ATP12A: variants seen among roughly 807,000 people sequenced by gnomAD.
ATP12A encodes ATPase H+/K+ transporting non-gastric alpha2 subunit, also known as potassium-transporting ATPase alpha chain 2.
Under a neutral mutation model 111.2 loss-of-function variants are expected in ATP12A, and 81 were observed. That is an observed-to-expected ratio of 0.73 (90% CI 0.61 to 0.88). The LOEUF (loss-of-function observed/expected upper bound fraction) is 0.88, where lower values mean the gene tolerates loss of function less well. Among genes scored for constraint, ATP12A ranks in the 40% least tolerant of loss-of-function variants. ATP12A has a pLI of 0.00. For missense variants in ATP12A, 1,196 were observed against 1,313.1 expected, an observed-to-expected ratio of 0.91 and a Z score of 1.38; for synonymous variants, 498 against 499.8, an observed-to-expected ratio of 1.00 and a Z score of 0.05.
At chr13:24,689,428 C>T (rs1874788555) in intron 5 of ATP12A, 53 bp downstream of exon 5, 1 of 1,517,046 alleles carries the variant, frequency 6.6e-7, no homozygotes, top group Non-Finnish European at 9.1e-7. Context: ...GGTGAGGAAG[C>T]CTCAGCTGGG....
intron 14 of ATP12A, among the ~76,000 whole-genome samples, chr13:24,702,858 A>T (rs1020885587): frequency 6.6e-6 from 1 of 152,178 alleles, no homozygotes; most frequent in African/African-American, 2.4e-5. Context: ...CATGCAGGAG[A>T]GTGGCCTGGA....
At chr13:24,709,956 C>G in intron 19 of ATP12A, 128 bp downstream of exon 19, 1 of 1,374,444 alleles carries the variant, frequency 7.3e-7, no homozygotes. Context: ...GGGCTCAGGG[C>G]CCCCTTGCTG....
At chr13:24,696,310 C>A (rs1775755520) in intron 11 of ATP12A, among the ~76,000 whole-genome samples, 1 of 152,012 alleles carries the variant, frequency 6.6e-6, no homozygotes, top group Non-Finnish European at 1.5e-5. Flanking sequence ...CTCCATCTCC[C>A]AAGGTAAAGG....
intron 13 of ATP12A, among the ~76,000 whole-genome samples, chr13:24,701,669 C>A (rs12583810): frequency 2.0e-4 from 30 of 152,156 alleles, no homozygotes; most frequent in Non-Finnish European, 4.3e-4. Context: ...AGACACTCAC[C>A]AGCCCTTTCA....
Position 24,711,621 on chromosome 13 carries a change from C to T in ATP12A, c.*99C>T, listed in dbSNP as rs1367492909. 1.3e-6 allele frequency: 2 copies of T among 1,528,344 alleles called. No individual in the cohort carries two copies. The highest frequency in any genetic ancestry group is 1.8e-6 in the Non-Finnish European group (2 of 1,112,120). The allele number at this position is 1,528,344 out of a possible 1,614,324, so 94.7% of individuals were successfully genotyped here. A position where few individuals can be genotyped will look rare whatever the true frequency, so the allele number is the denominator to read the frequency against. On this transcript the variant is annotated 3_prime_UTR_variant, in exon 23 of 23. Transcript: ENST00000381946. The stretch of plus-strand genomic sequence containing the variant: ...TATTCCCCTGCAGTGCAGACATCGT[C>T]AAAATTCAGACAAGAGGAAATTTTC...
chr13:24,680,472 T>G lies in ATP12A; in HGVS notation c.-272T>G. 2 of 431,872 alleles carry G rather than the reference T, an allele frequency of 4.6e-6. No individual in the cohort carries two copies. Among genetic ancestry groups the G allele is most frequent in the East Asian group, 4.0e-5 (1 of 24,928 alleles). The allele number at this position is 431,872 out of a possible 1,614,324, so 26.8% of individuals were successfully genotyped here. On this transcript the variant is annotated 5_prime_UTR_variant, in exon 1 of 23. Transcript: ENST00000381946. ...CCTCCCTGCGCGCGCGCCGGCGGGTTTCCTACCCTCCGAGGCGTCCGCTGG... is the reference window on the plus strand; with the variant it reads ...CCTCCCTGCGCGCGCGCCGGCGGGTGTCCTACCCTCCGAGGCGTCCGCTGG...
chr13:24,702,748 A>G (rs193127635), intron 14 of ATP12A, among the ~76,000 whole-genome samples: 2 of 152,292 alleles, frequency 1.3e-5, no homozygotes, highest in Admixed American at 1.3e-4. Context: ...TACTATCCAC[A>G]CCGTTGGGGA....
At chr13:24,695,526 A>T (rs978537687) in intron 11 of ATP12A, among the ~76,000 whole-genome samples, 1 of 151,504 alleles carries the variant, frequency 6.6e-6, no homozygotes, top group African/African-American at 2.4e-5. Flanking sequence ...AATAACCACA[A>T]CTGTACGTGT....
intron 17 of ATP12A, among the ~76,000 whole-genome samples, chr13:24,708,964 G>A (rs9507398): frequency 0.34 from 38,823 of 113,654 alleles, 6,983 homozygotes; most frequent in African/African-American, 0.39. Flanking sequence ...AAAGAAAGAA[G>A]GAAAGAGAAA....
chr13:24,695,275 TG>T (rs1478680090), intron 11 of ATP12A, among the ~76,000 whole-genome samples: 17 of 152,214 alleles, frequency 1.1e-4, no homozygotes, highest in African/African-American at 4.1e-4. Context: ...CGTCGTTTTC[TG>T]GGGCCAGCCC....
intron 15 of ATP12A, 133 bp downstream of exon 15, chr13:24,706,596 C>A: frequency 7.6e-7 from 1 of 1,313,352 alleles, no homozygotes. Context: ...ATCCCCATCA[C>A]CTGACCTCTC....
Position 24,710,651 on chromosome 13 carries a change from A to T in ATP12A, c.2897+58A>T, listed in dbSNP as rs1875926593. On this transcript the variant is annotated intron_variant, in intron 20 of 22. Transcript: ENST00000381946. ...CTGGGCCTGCCGTGCAAGGATGATGATGATTTGTTTTTCACAAGACAGAGT... is the reference window on the plus strand; with the variant it reads ...CTGGGCCTGCCGTGCAAGGATGATGTTGATTTGTTTTTCACAAGACAGAGT... 41 of 1,611,288 alleles carry T rather than the reference A, an allele frequency of 2.5e-5. No individual in the cohort carries two copies. In the South Asian group the frequency reaches 4.4e-4, roughly 17 times the overall value.
Position 24,681,693 on chromosome 13 carries a change from A to G in ATP12A, c.141A>G (p.Lys47=), listed in dbSNP as rs1353829117. The change falls in exon 2 of 23, where the codon AAA becomes AAG. Residue 47 remains lysine, a synonymous_variant. Coordinates refer to ENST00000381946, the MANE Select transcript of ATP12A (RefSeq NM_001676.7). The part of the protein sequence containing the change: ...NCLELKKKNH[K]EEFQKELHLD... ...TGGAACTCAAAAAGAAAAATCACAA[A>G]GAGGAGTTTCAGAAAGAACTCCATC... 5.0e-6 allele frequency: 8 copies of G among 1,614,212 alleles called. No homozygotes were observed. Among genetic ancestry groups the G allele is most frequent in the Non-Finnish European group, 5.9e-6 (7 of 1,180,044 alleles).
Position 24,680,614 on chromosome 13 carries a change from G to T in ATP12A, c.-130G>T. 2 of 1,131,220 alleles carry T rather than the reference G, an allele frequency of 1.8e-6. No homozygotes were observed. Among genetic ancestry groups the T allele is most frequent in the South Asian group, 1.5e-5 (1 of 66,124 alleles). 70.1% of individuals were successfully genotyped at this position (1,131,220 alleles called of 1,614,324 possible). A position where few individuals can be genotyped will look rare whatever the true frequency, so the allele number is the denominator to read the frequency against. ...TGCGTGCAGGGCCCGCGCCGCCGCCGGTATCTCCACCGCCAACACCTCAGC... is the reference window on the plus strand; with the variant it reads ...TGCGTGCAGGGCCCGCGCCGCCGCCTGTATCTCCACCGCCAACACCTCAGC... On this transcript the variant is annotated 5_prime_UTR_variant, in exon 1 of 23. Transcript: ENST00000381946.
At position 24,709,724 on chromosome 13, in the gene ATP12A, G is replaced by C. The variant is rs368160174; in HGVS notation, c.2659G>C (p.Val887Leu). 9 of 1,614,104 alleles carry C rather than the reference G, an allele frequency of 5.6e-6. No individual in the cohort carries two copies. The East Asian group carries it at 1.3e-4, about 24-fold the overall frequency. ...ALGAFLVYFTVYAQEGFLPRT... is the reference protein window; with the variant it reads ...ALGAFLVYFTLYAQEGFLPRT... The stretch of plus-strand genomic sequence containing the variant: ...GGGAGCTTTCCTTGTGTATTTCACC[G>C]TCTATGCACAAGAGGGCTTTCTGCC... Residue 887 changes from valine to leucine, a missense_variant, in exon 19 of 23, where the codon GTC (valine) becomes CTC (leucine). Around this residue, in one of 3 missense-constraint regions of ATP12A, gnomAD observed 1,126 missense variants for 1,228.5 expected, o/e 0.92. Transcript: ENST00000381946.
chr13:24,700,758 C>T lies in ATP12A; in HGVS notation c.1717C>T (p.Leu573Phe), dbSNP rs778317532. 6.2e-7 allele frequency: 1 copy of T among 1,613,612 alleles called. No individual in the cohort carries two copies. Among genetic ancestry groups the T allele is most frequent in the Non-Finnish European group, 8.5e-7 (1 of 1,179,666 alleles). Reference sequence around the variant, plus strand: ...CATCTGTATTACAGGTTTCTGTCATCTCTACCTGCCAGCAGACGAGTTTCC... The same window carrying T: ...CATCTGTATTACAGGTTTCTGTCATTTCTACCTGCCAGCAGACGAGTTTCC... The part of the protein sequence containing the change: ...LGERVLGFCH[L>F]YLPADEFPET... The change falls in exon 13 of 23, where the codon CTC becomes TTC. Residue 573 changes from leucine to phenylalanine, a missense_variant. This residue lies in a region of ATP12A where 1,126 missense variants were observed against 1,228.5 expected (regional missense o/e 0.92). Transcript: ENST00000381946.
At position 24,691,007 on chromosome 13, in the gene ATP12A, C is replaced by T; in HGVS notation, c.825C>T (p.Asn275=). Residue 275 remains asparagine (N), a synonymous_variant, in exon 8 of 23, where the codon AAC becomes AAT. Coordinates refer to ENST00000381946, the MANE Select transcript of ATP12A (RefSeq NM_001676.7). ...LEGTVTGMVI[N]TGDRTIIGHI... ...GCACTGTCACCGGCATGGTTATCAA[C>T]ACGGGTGACCGCACCATCATTGGCC... 6.2e-7 allele frequency: 1 copy of T among 1,614,216 alleles called. No homozygotes were observed. The highest frequency in any genetic ancestry group is 1.1e-5 in the South Asian group (1 of 91,080).
At chr13:24,706,926 G>A (rs921256136) in intron 15 of ATP12A, 97 bp from the exon 16 acceptor site, 102 of 1,357,812 alleles carry the variant, frequency 7.5e-5, no homozygotes, top group Middle Eastern at 1.9e-4. Context: ...AATCATCCTC[G>A]CAACCTCAAG....
rs371076929 is a variant in ATP12A, at chr13:24,697,274, A to T, written c.1513-1384A>T. Among the ~76,000 whole-genome samples, 6 of 152,202 alleles carry T rather than the reference A, an allele frequency of 3.9e-5. No homozygotes were observed. The East Asian group carries it at 9.6e-4, about 24-fold the overall frequency. On this transcript the variant is annotated intron_variant, in intron 11 of 22. Coordinates refer to ENST00000381946, the MANE Select transcript of ATP12A (RefSeq NM_001676.7). ...TAAGTCGATGTGGACAGCACTTAGA[A>T]CAGTGCCTGGCACGTGGTACATACC...
Sources: allele counts gnomAD v4.1 joint callset (sites outside exome capture counted in the v4.1 genomes callset), GRCh38; gene constraint gnomAD v4.1.1; regional missense constraint gnomAD v4.1.1; transcripts MANE v1.5; gene names NCBI Gene and HGNC (gene_info 2026-07-23, HGNC 2026-07-21).